The following TPTE variants were observed in gnomAD, a reference collection of about 807,000 sequenced individuals.
TPTE encodes the protein putative tyrosine-protein phosphatase TPTE.
TPTE carries 59 observed loss-of-function variants against 84.1 expected under a neutral mutation model. That is an observed-to-expected ratio of 0.70 (90% CI 0.57 to 0.87). The LOEUF is 0.87. TPTE is among the 40% of genes least tolerant of loss of function. The pLI is 0.00. For synonymous variants in TPTE, 130 were observed against 223.5 expected, an observed-to-expected ratio of 0.58 and a Z score of 3.73; for missense variants, 382 against 659.6, an observed-to-expected ratio of 0.58 and a Z score of 4.61.
chr21:10,526,131 A>AT (rs762546985), intron 2 of TPTE, among the ~76,000 whole-genome samples: 2 of 152,308 alleles, frequency 1.3e-5, no homozygotes, highest in South Asian at 4.1e-4. Flanking sequence ...GCGGATGCCT[A>AT]TAGATGCCTT....
chr21:10,543,098 C>G (rs1293326438), intron 6 of TPTE, among the ~76,000 whole-genome samples: 12 of 122,790 alleles, frequency 9.8e-5, no homozygotes, highest in Non-Finnish European at 1.7e-4. Flanking sequence ...GGCGCAATCT[C>G]GGCTCACTGC....
intron 17 of TPTE, 126 bp from the exon 18 acceptor site, chr21:10,590,336 G>A (rs891532085): frequency 6.5e-7 from 1 of 1,528,776 alleles, no homozygotes; most frequent in African/African-American, 1.4e-5. Flanking sequence ...ACTCCAGCCT[G>A]CGTGACACAG....
chr21:10,570,840 CAACTA>C (rs2075028337), intron 14 of TPTE, among the ~76,000 whole-genome samples: 1 of 152,310 alleles, frequency 6.6e-6, no homozygotes, highest in African/African-American at 2.4e-5. Context: ...TTTCCTGTCT[CAACTA>C]AGCTCATTCA....
intron 17 of TPTE, among the ~76,000 whole-genome samples, chr21:10,584,550 G>C (rs2075328394): frequency 6.6e-6 from 1 of 152,304 alleles, no homozygotes; most frequent in African/African-American, 2.4e-5. Context: ...TGTTGCCCAG[G>C]TTGGTCTCAA....
intron 8 of TPTE, among the ~76,000 whole-genome samples, chr21:10,554,465 A>G (rs1394034558): frequency 2.0e-5 from 3 of 152,312 alleles, no homozygotes; most frequent in Non-Finnish European, 4.4e-5. Flanking sequence ...ACTAGCCATC[A>G]TTGATTTCTC....
At chr21:10,599,846 C>T (rs9753909) in intron 21 of TPTE, among the ~76,000 whole-genome samples, 18 of 152,374 alleles carry the variant, frequency 1.2e-4, no homozygotes, top group African/African-American at 3.8e-4. Context: ...TTCTTTCCTT[C>T]CTTTCTTCCT....
intron 7 of TPTE, among the ~76,000 whole-genome samples, chr21:10,548,722 G>T (rs1418818477): frequency 6.6e-6 from 1 of 152,308 alleles, no homozygotes; most frequent in Non-Finnish European, 1.5e-5. Flanking sequence ...TGGTCCATGA[G>T]TTTCCCCCAG....
chr21:10,533,612 C>T (rs1347262447), intron 3 of TPTE, among the ~76,000 whole-genome samples: 2 of 152,312 alleles, frequency 1.3e-5, no homozygotes, highest in South Asian at 4.1e-4. Flanking sequence ...ATAGCACCCA[C>T]TTTTTCCTTT....
At chr21:10,558,078 A>G (rs1220608158) in intron 8 of TPTE, among the ~76,000 whole-genome samples, 1 of 152,310 alleles carries the variant, frequency 6.6e-6, no homozygotes, top group Non-Finnish European at 1.5e-5. Context: ...CACAAAATAC[A>G]TGATCTCATT....
At position 10,542,563 on chromosome 21, in the gene TPTE, T is replaced by TCCATCCATTCATC. The variant is rs1215122253; in HGVS notation, c.119+116_119+117insCATCCATTCATCC. ...TCCATCCATCCATCCATCCATCCAT[T>TCCATCCATTCATC]CATCCATCCATCCATCCATCCATCC... On this transcript the variant is annotated intron_variant, in intron 6 of 23. Coordinates refer to ENST00000618007, the MANE Select transcript of TPTE (RefSeq NM_199261.4). 8.5e-6 allele frequency: 7 copies of TCCATCCATTCATC among 822,080 alleles called. No individual in the cohort carries two copies. In the African/African-American group the frequency reaches 1.9e-4, roughly 22 times the overall value. 50.9% of individuals were successfully genotyped at this position (822,080 alleles called of 1,614,324 possible).
intron 10 of TPTE, among the ~76,000 whole-genome samples, chr21:10,562,582 GAATC>G (rs1229481320): frequency 4.7e-4 from 71 of 152,390 alleles, no homozygotes; most frequent in African/African-American, 1.6e-3. Flanking sequence ...TAATTTAAAA[GAATC>G]AAGCAGAAAT....
chr21:10,527,624 C>T (rs1259356955), intron 3 of TPTE, among the ~76,000 whole-genome samples: 4 of 152,310 alleles, frequency 2.6e-5, no homozygotes, highest in Non-Finnish European at 4.4e-5. Flanking sequence ...ATCAGAATGC[C>T]TGTGTATGAG....
intron 23 of TPTE, 74 bp downstream of exon 23, chr21:10,603,706 T>G: frequency 6.5e-7 from 1 of 1,547,718 alleles, no homozygotes. Flanking sequence ...TGGCAAGTCT[T>G]TTGCTGGTTG....
At chr21:10,549,106 T>A (rs1400680019) in intron 7 of TPTE, among the ~76,000 whole-genome samples, 3 of 152,310 alleles carry the variant, frequency 2.0e-5, no homozygotes, top group African/African-American at 7.2e-5. Context: ...AACTTGCAAA[T>A]GTTACTAGTG....
chr21:10,561,890 C>A (rs1012133428), intron 10 of TPTE, among the ~76,000 whole-genome samples: 1 of 152,180 alleles, frequency 6.6e-6, no homozygotes, highest in Admixed American at 6.5e-5. Context: ...TCAGTAAACT[C>A]CTGCAATAGC....
intron 4 of TPTE, among the ~76,000 whole-genome samples, chr21:10,539,990 CTGAG>C (rs1359860353): frequency 2.6e-5 from 4 of 152,304 alleles, no homozygotes; most frequent in African/African-American, 9.6e-5. Flanking sequence ...GCTTGGGTGA[CTGAG>C]TGAGACTCTG....
intron 10 of TPTE, among the ~76,000 whole-genome samples, chr21:10,562,014 C>CT (rs1199172148): frequency 6.6e-6 from 1 of 152,302 alleles, no homozygotes; most frequent in Non-Finnish European, 1.5e-5. Flanking sequence ...CACTCAACCC[C>CT]AAGCTTTAGG....
At position 10,605,470 on chromosome 21, in the gene TPTE, G is replaced by A; in HGVS notation, c.1574G>A (p.Arg525Lys). The A allele has an allele frequency of 6.2e-7, 1 of 1,614,180 alleles. No individual in the cohort carries two copies. Residue 525 changes from arginine to lysine, a missense_variant, in exon 24 of 24, where the codon AGA (arginine) becomes AAA (lysine). Arg to Lys is a conservative substitution (Grantham distance 26). Transcript: ENST00000618007. Reference sequence around the variant, plus strand: ...AATCTACATAAACAAAAAGCACGGAGAATTTATCCATCAGATTTTGCCGTG... The same window carrying A: ...AATCTACATAAACAAAAAGCACGGAAAATTTATCCATCAGATTTTGCCGTG... ...LDNLHKQKAR[R>K]IYPSDFAVEI...
rs774196345 is a variant in TPTE, at chr21:10,605,577, G to A, written c.*25G>A. 6.2e-7 allele frequency: 1 copy of A among 1,613,856 alleles called. No individual in the cohort carries two copies. Among genetic ancestry groups the A allele is most frequent in the Non-Finnish European group, 8.5e-7 (1 of 1,179,810 alleles). On this transcript the variant is annotated 3_prime_UTR_variant, in exon 24 of 24. Transcript: ENST00000618007. ...AGTATAGCTCCCCCTTCCCCTTCTG[G>A]GAAAGAATTATGTTCTTTCCAACCC...
Sources: gnomAD v4.1 joint callset for allele counts (sites outside exome capture counted in the v4.1 genomes callset) on GRCh38, gnomAD v4.1.1 for gene constraint, MANE v1.5 for transcripts, NCBI Gene and HGNC (gene_info 2026-07-23, HGNC 2026-07-21) for gene names.